GCNT2: variants seen among roughly 807,000 people sequenced by gnomAD.
GCNT2 encodes the protein glucosaminyl (N-acetyl) transferase 2 (I blood group).
A neutral mutation model predicts 34.2 loss-of-function variants in GCNT2; 34 were observed. The ratio of observed to expected loss-of-function variants is 1.00; its 90% CI spans 0.76 to 1.32. GCNT2 has a LOEUF of 1.32. GCNT2 is among the 40% of genes most tolerant of loss of function. The pLI is 0.00. For missense variants in GCNT2, 584 were observed against 489.4 expected (o/e 1.19, Z -1.82); for synonymous variants, 212 against 188.0 (o/e 1.13, Z -1.04).
chr6:10,592,707 C>G (rs1336896285), intron 3 of GCNT2, among the ~76,000 whole-genome samples: 2 of 152,112 alleles, frequency 1.3e-5, no homozygotes, highest in African/African-American at 2.4e-5. Flanking sequence ...AAACGCTACT[C>G]TTAATGAGCT....
intron 3 of GCNT2, among the ~76,000 whole-genome samples, chr6:10,582,221 A>AAAT: frequency 2.7e-5 from 3 of 109,490 alleles, no homozygotes; most frequent in East Asian, 2.1e-4. Context: ...TATATATATA[A>AAAT]TTATATATAT....
chr6:10,544,603 CA>C (rs1157826761), intron 3 of GCNT2, among the ~76,000 whole-genome samples: 1 of 150,142 alleles, frequency 6.7e-6, no homozygotes, highest in Non-Finnish European at 1.5e-5. Context: ...GACTCCATCT[CA>C]AAAATAAATA....
intron 3 of GCNT2, among the ~76,000 whole-genome samples, chr6:10,559,232 C>A (rs1339314320): frequency 6.6e-6 from 1 of 152,156 alleles, no homozygotes; most frequent in Non-Finnish European, 1.5e-5. Flanking sequence ...CCTTTCTGAT[C>A]TCTTGGGAGA....
chr6:10,526,317 G>A (rs1761182212), intron 1 of GCNT2, among the ~76,000 whole-genome samples: 1 of 152,142 alleles, frequency 6.6e-6, no homozygotes, highest in South Asian at 2.1e-4. Flanking sequence ...CTGACTCACT[G>A]TGTTCTAGAG....
intron 3 of GCNT2, among the ~76,000 whole-genome samples, chr6:10,585,032 AGTGTGTGTGTGTGTGTGT>A (rs57538079): frequency 0.016 from 2,002 of 127,532 alleles, 51 homozygotes; most frequent in African/African-American, 0.06. Flanking sequence ...TCCCATAGTC[AGTGTGTGTGTGTGTGTGT>A]GTGTGTGTGT....
chr6:10,557,493 C>CT (rs34815041), intron 3 of GCNT2: 21,816 of 529,408 alleles, frequency 0.041, no homozygotes, highest in South Asian at 0.047. Flanking sequence ...GAAAGATGTT[C>CT]TTTTTTTTTT....
intron 3 of GCNT2, chr6:10,556,893 T>C: frequency 6.2e-7 from 1 of 1,614,090 alleles, no homozygotes; most frequent in African/African-American, 1.3e-5. Flanking sequence ...ATGGAACCCG[T>C]TGTCTATGGA....
At chr6:10,563,555 A>G (rs772651610) in intron 3 of GCNT2, among the ~76,000 whole-genome samples, 1 of 151,776 alleles carries the variant, frequency 6.6e-6, no homozygotes, top group Non-Finnish European at 1.5e-5. Flanking sequence ...CACCCTGGCC[A>G]ACATGGTGAA....
intron 3 of GCNT2, among the ~76,000 whole-genome samples, chr6:10,564,332 A>G (rs569973866): frequency 1.3e-5 from 2 of 152,292 alleles, no homozygotes; most frequent in Non-Finnish European, 2.9e-5. Flanking sequence ...GCTCTGAACT[A>G]AACTCAGACT....
chr6:10,591,665 C>A (rs1310220788), intron 3 of GCNT2, among the ~76,000 whole-genome samples: 1 of 152,192 alleles, frequency 6.6e-6, no homozygotes, highest in Non-Finnish European at 1.5e-5. Flanking sequence ...GCCACCCACT[C>A]CCTCCTCCTG....
intron 3 of GCNT2, among the ~76,000 whole-genome samples, chr6:10,562,656 GAAAAA>G (rs57868433): frequency 1.3e-5 from 1 of 77,522 alleles, no homozygotes; most frequent in Non-Finnish European, 2.7e-5. Context: ...GAACTTCTCT[GAAAAA>G]AAAAAAAAAA....
Position 10,529,135 on chromosome 6 carries a change from A to T in GCNT2, c.224A>T (p.Tyr75Phe), listed in dbSNP as rs376550475. 6.2e-7 allele frequency: 1 copy of T among 1,614,112 alleles called. No individual in the cohort carries two copies. Among genetic ancestry groups the T allele is most frequent in the Admixed American group, 1.7e-5 (1 of 60,016 alleles). Residue 75 changes from tyrosine (Y) to phenylalanine (F), a missense_variant, in exon 3 of 5, where the codon TAT becomes TTT. Physicochemically the swap from Tyr to Phe is conservative, Grantham distance 22 (BLOSUM62 3). Transcript: ENST00000495262. Reference protein sequence around the residue: ...LKTTLDEATCYEYMVRSHYVT... With the variant: ...LKTTLDEATCFEYMVRSHYVT... ...ACTACCCTTGATGAAGCTACCTGCT[A>T]TGAGTACATGGTTCGAAGCCACTAT...
intron 3 of GCNT2, among the ~76,000 whole-genome samples, chr6:10,532,914 CTTTTTTTTTTT>C (rs67442555): frequency 1.2e-5 from 1 of 85,408 alleles, no homozygotes; most frequent in Non-Finnish European, 2.2e-5. Flanking sequence ...GTGGTTTTTG[CTTTTTTTTTTT>C]TTTTTTTTTG....
At chr6:10,579,014 T>C (rs1416885370) in intron 3 of GCNT2, among the ~76,000 whole-genome samples, 2 of 152,196 alleles carry the variant, frequency 1.3e-5, no homozygotes, top group Non-Finnish European at 2.9e-5. Flanking sequence ...CATCAAACTA[T>C]AGGAATTCAC....
intron 3 of GCNT2, among the ~76,000 whole-genome samples, chr6:10,603,950 C>T (rs1765198774): frequency 6.6e-6 from 1 of 150,392 alleles, no homozygotes; most frequent in African/African-American, 2.5e-5. Flanking sequence ...GGCTGGAGTG[C>T]AGTGGTGCAA....
intron 3 of GCNT2, among the ~76,000 whole-genome samples, chr6:10,549,156 GCACAGGGCAGCACATCCTACAACA>G (rs1477553362): frequency 1.3e-5 from 2 of 152,136 alleles, no homozygotes; most frequent in Non-Finnish European, 2.9e-5. Context: ...ATCCTACAAT[GCACAGGGCAGCACATCCTACAACA>G]CACAGCCCTC....
chr6:10,613,566 A>G (rs932054478), intron 3 of GCNT2, among the ~76,000 whole-genome samples: 6 of 152,224 alleles, frequency 3.9e-5, no homozygotes, highest in Admixed American at 2.6e-4. Context: ...TTCCAATACT[A>G]GTTGTGTCCC....
chr6:10,568,718 C>T (rs1046191182), intron 3 of GCNT2, among the ~76,000 whole-genome samples: 3 of 152,136 alleles, frequency 2.0e-5, no homozygotes, highest in African/African-American at 7.2e-5. Flanking sequence ...GTTACCCCAC[C>T]GTCAACTCCC....
chr6:10,584,327 T>G (rs547046669), intron 3 of GCNT2, among the ~76,000 whole-genome samples: 1 of 152,338 alleles, frequency 6.6e-6, no homozygotes, highest in East Asian at 1.9e-4. Context: ...AAGAGTAGTA[T>G]TGCTGCCATG....
Sources: gnomAD v4.1 joint callset for allele counts (sites outside exome capture counted in the v4.1 genomes callset) on GRCh38, gnomAD v4.1.1 for gene constraint, MANE v1.5 for transcripts, NCBI Gene and HGNC (gene_info 2026-07-23, HGNC 2026-07-21) for gene names.